Variants in LATS2 observed in about 807,000 individuals in gnomAD.
LATS2 encodes large tumor suppressor kinase 2.
LATS2 carries 24 observed loss-of-function variants against 76.0 expected under a neutral mutation model. That is an observed-to-expected ratio of 0.32 (90% CI 0.23 to 0.44). The LOEUF (loss-of-function observed/expected upper bound fraction) is 0.44. Among genes scored for constraint, LATS2 ranks in the 20% least tolerant of loss-of-function variants. The pLI is 1.00. For missense variants in LATS2, 1,286 were observed against 1,481.2 expected (o/e 0.87, Z 2.16); for synonymous variants, 692 against 635.4 (o/e 1.09, Z -1.34).
chr13:21,021,717 GA>G (rs1356293606), intron 2 of LATS2, among the ~76,000 whole-genome samples: 2 of 152,194 alleles, frequency 1.3e-5, no homozygotes, highest in Non-Finnish European at 2.9e-5. Flanking sequence ...TAAAGATAAT[GA>G]AGTGAATCTG....
intron 2 of LATS2, among the ~76,000 whole-genome samples, chr13:21,002,209 G>A (rs1405233478): frequency 2.6e-5 from 4 of 152,014 alleles, no homozygotes; most frequent in East Asian, 1.9e-4. Context: ...CACTGCGCCC[G>A]GCCAAAAAGC....
chr13:21,036,463 A>G (rs1037498131), intron 2 of LATS2, among the ~76,000 whole-genome samples: 2 of 152,046 alleles, frequency 1.3e-5, no homozygotes, highest in Admixed American at 6.6e-5. Flanking sequence ...TATCACACAC[A>G]TCCATTACTG....
At chr13:20,996,409 C>T (rs1037203031) in intron 2 of LATS2, among the ~76,000 whole-genome samples, 2 of 143,924 alleles carry the variant, frequency 1.4e-5, no homozygotes, top group Non-Finnish European at 1.5e-5. Flanking sequence ...GACAGAGGCT[C>T]GTTCTGTCCC....
intron 2 of LATS2, among the ~76,000 whole-genome samples, chr13:21,040,382 A>C (rs907858133): frequency 3.3e-5 from 5 of 151,766 alleles, no homozygotes; most frequent in Non-Finnish European, 5.9e-5. Flanking sequence ...GTCTCAAAAA[A>C]AAAAAAAAAG....
intron 2 of LATS2, among the ~76,000 whole-genome samples, chr13:20,992,674 A>C (rs1440644915): frequency 6.6e-6 from 1 of 152,182 alleles, no homozygotes; most frequent in Non-Finnish European, 1.5e-5. Context: ...ACCAGGCAGG[A>C]GGAAACTGAA....
chr13:20,981,659 G>C lies in LATS2; in HGVS notation c.2483-11C>G, dbSNP rs1387909484. 5 of 1,585,624 alleles carry C rather than the reference G, an allele frequency of 3.2e-6. No individual in the cohort carries two copies. The East Asian group carries it at 6.7e-5, about 21-fold the overall frequency. On this transcript the variant is annotated splice_polypyrimidine_tract_variant and intron_variant, in intron 5 of 7. Transcript: ENST00000382592. ...GTCTGACATGGCTCCCTTCACCCAG[G>C]AATCAGGGATAGTGAAAGAAAAGAA...
intron 7 of LATS2, among the ~76,000 whole-genome samples, chr13:20,976,301 T>G (rs899621104): frequency 6.6e-6 from 1 of 152,132 alleles, no homozygotes; most frequent in African/African-American, 2.4e-5. Flanking sequence ...GTAGGCTTGG[T>G]TTGAACCTAA....
chr13:21,027,175 G>A (rs1452630683), intron 2 of LATS2, among the ~76,000 whole-genome samples: 1 of 152,190 alleles, frequency 6.6e-6, no homozygotes, highest in Non-Finnish European at 1.5e-5. Flanking sequence ...GAGTTTTGTT[G>A]TTTTAATGTC....
At position 21,034,120 on chromosome 13, in the gene LATS2, C is replaced by T. The variant is rs75604941; in HGVS notation, c.342+11565G>A. On this transcript the variant is annotated intron_variant, in intron 2 of 7. Transcript: ENST00000382592. ...GTGGTCAGACTGCCACCTCTGCATA[C>T]CAACCACGGGCCAGTTACTTTACAT... 5.3e-3 allele frequency among the ~76,000 whole-genome samples: 811 copies of T among 152,284 alleles called. 4 individuals carry two copies. Among genetic ancestry groups the T allele is most frequent in the Non-Finnish European group, 7.3e-3 (494 of 68,012 alleles).
Position 20,987,952 on chromosome 13 carries a change from C to A in LATS2, c.1828G>T (p.Val610Leu). Reference protein sequence around the residue: ...YAFKFFMEQHVENVIKTYQQK... With the variant: ...YAFKFFMEQHLENVIKTYQQK... ...TGGTAGGTTTTGATGACATTCTCCA[C>A]GTGCTGCTCCATGAAGAACTTAAAG... Residue 610 changes from valine (V) to leucine (L), a missense_variant, in exon 4 of 8, where the codon GTG becomes TTG. This residue lies in a region of LATS2 where 247 missense variants were observed against 385.4 expected (regional missense o/e 0.64). Coordinates refer to ENST00000382592, the MANE Select transcript of LATS2 (RefSeq NM_014572.3). 1.2e-6 allele frequency: 2 copies of A among 1,614,232 alleles called. No individual in the cohort carries two copies. The highest frequency in any genetic ancestry group is 1.7e-6 in the Non-Finnish European group (2 of 1,180,024).
intron 4 of LATS2, among the ~76,000 whole-genome samples, chr13:20,985,800 C>A (rs1259473897): frequency 6.6e-6 from 1 of 151,920 alleles, no homozygotes; most frequent in Admixed American, 6.6e-5. Flanking sequence ...AATCCCAGCA[C>A]CCTGGGAGGC....
intron 1 of LATS2, among the ~76,000 whole-genome samples, chr13:21,048,812 G>C (rs1316501974): frequency 6.6e-6 from 1 of 151,720 alleles, no homozygotes; most frequent in African/African-American, 2.4e-5. Flanking sequence ...ACTCCAGCCT[G>C]GGCAACAAGA....
chr13:21,035,309 C>T (rs1241873900), intron 2 of LATS2, among the ~76,000 whole-genome samples: 1 of 151,626 alleles, frequency 6.6e-6, no homozygotes, highest in African/African-American at 2.4e-5. Context: ...AAAAATAGTT[C>T]TAAAAGAGAG....
In LATS2 at chr13:21,023,299, C is replaced by T. The variant is rs112571659; in HGVS notation, c.342+22386G>A. ...TCTTTTTAGAGATAGGGTCTCACTA[C>T]GTCCCATCCTCCTGCCTCAGTCTCC... is the stretch of plus-strand genomic sequence containing the variant. On this transcript the variant is annotated intron_variant, in intron 2 of 7. Coordinates refer to ENST00000382592, the MANE Select transcript of LATS2 (RefSeq NM_014572.3). Among the ~76,000 whole-genome samples the T allele has an allele frequency of 1.6e-3, 242 of 151,854 alleles. 1 individual carries two copies. Among genetic ancestry groups the T allele is most frequent in the African/African-American group, 5.2e-3 (215 of 41,396 alleles).
chr13:20,987,842 G>A lies in LATS2; in HGVS notation c.1899+39C>T, dbSNP rs753583711. On this transcript the variant is annotated intron_variant, in intron 4 of 7. Transcript: ENST00000382592. ...TGCTTCCTATTGCCAGTAGAGGGAT[G>A]AGCCGGGAACAAATAGTAAAAATGA... 13 of 1,590,478 alleles carry A rather than the reference G, an allele frequency of 8.2e-6. No individual in the cohort carries two copies. In the East Asian group the frequency reaches 2.0e-4, roughly 25 times the overall value.
intron 2 of LATS2, among the ~76,000 whole-genome samples, chr13:21,027,003 A>C (rs898090859): frequency 1.3e-5 from 2 of 152,070 alleles, no homozygotes; most frequent in Non-Finnish European, 2.9e-5. Context: ...TCATGTGCTT[A>C]TTTGACATTC....
At chr13:21,055,955 A>G (rs1002185487) in intron 1 of LATS2, among the ~76,000 whole-genome samples, 5 of 152,188 alleles carry the variant, frequency 3.3e-5, no homozygotes, top group African/African-American at 7.2e-5. Context: ...TACCTCTCAT[A>G]ATGAGGGTCT....
intron 2 of LATS2, among the ~76,000 whole-genome samples, chr13:20,992,236 G>A (rs138841171): frequency 2.3e-3 from 348 of 152,338 alleles, no homozygotes; most frequent in African/African-American, 7.8e-3. Context: ...GCCCATGGCA[G>A]CAGCACGCAA....
At chr13:20,985,739 A>G (rs1870110279) in intron 4 of LATS2, among the ~76,000 whole-genome samples, 1 of 151,480 alleles carries the variant, frequency 6.6e-6, no homozygotes, top group Non-Finnish European at 1.5e-5. Flanking sequence ...CTCCGTCTTA[A>G]TTAAAAAATA....
Sources: gnomAD v4.1 joint callset for allele counts (sites outside exome capture counted in the v4.1 genomes callset) on GRCh38, gnomAD v4.1.1 for gene constraint, gnomAD v4.1.1 regional missense constraint, MANE v1.5 for transcripts, NCBI Gene and HGNC (gene_info 2026-07-23, HGNC 2026-07-21) for gene names.